The following CSMD2 variants were observed in gnomAD, a reference collection of about 807,000 sequenced individuals.
The protein encoded by CSMD2 is CUB and Sushi multiple domains 2, also known as CUB and sushi domain-containing protein 2.
A neutral mutation model predicts 398.5 loss-of-function variants in CSMD2; 130 were observed. The observed-to-expected ratio is 0.33, with a 90% CI of 0.28 to 0.38. The LOEUF is 0.38. Ranked by LOEUF, CSMD2 falls within the 10% of genes least tolerant of loss-of-function variation. The probability of loss-of-function intolerance (pLI) is 1.00; values close to 1 mark genes in which losing one functional copy is unlikely to be tolerated. For synonymous variants in CSMD2, 1,828 were observed against 1,908.5 expected (o/e 0.96, Z 1.10); for missense variants, 3,829 against 4,764.9 (o/e 0.80, Z 5.78).
intron 13 of CSMD2, among the ~76,000 whole-genome samples, chr1:33,760,416 C>T (rs767739120): frequency 4.1e-4 from 62 of 152,174 alleles, no homozygotes; most frequent in Non-Finnish European, 7.8e-4. Context: ...TGGGAAGTAG[C>T]TGAGTCCACA....
In CSMD2 at chr1:33,563,576, T is replaced by A. The variant is rs147497212; in HGVS notation, c.8380+4017A>T. ...GTCTCACTTAATCCTCACAACCCTA[T>A]GAGGTAGGCACCACCACTATACCCA... is the stretch of plus-strand genomic sequence containing the variant. On this transcript the variant is annotated intron_variant, in intron 53 of 70. Transcript: ENST00000373381. Among the ~76,000 whole-genome samples, 195 of 152,240 alleles carry A rather than the reference T, an allele frequency of 1.3e-3. 1 individual carries two copies. The highest frequency in any genetic ancestry group is 2.3e-3 in the Non-Finnish European group (156 of 68,030).
At chr1:33,706,358 T>C (rs770763870) in intron 22 of CSMD2, among the ~76,000 whole-genome samples, 4 of 152,248 alleles carry the variant, frequency 2.6e-5, no homozygotes. Context: ...TGGTTTACCA[T>C]CTTCCGTTCA....
At chr1:33,650,682 ATTTG>A (rs1277055260) in intron 28 of CSMD2, among the ~76,000 whole-genome samples, 2 of 152,064 alleles carry the variant, frequency 1.3e-5, no homozygotes, top group East Asian at 1.9e-4. Flanking sequence ...TAAAGGATCT[ATTTG>A]TTTGTTTCTT....
intron 1 of CSMD2, among the ~76,000 whole-genome samples, chr1:34,155,227 T>G (rs1640700561): frequency 6.6e-6 from 1 of 152,084 alleles, no homozygotes; most frequent in Admixed American, 6.6e-5. Context: ...TGAGACTTGG[T>G]GGGGTGCAGA....
intron 1 of CSMD2, among the ~76,000 whole-genome samples, chr1:34,100,870 C>T (rs1351107467): frequency 6.6e-6 from 1 of 152,206 alleles, no homozygotes; most frequent in Non-Finnish European, 1.5e-5. Context: ...TTCCCCTATA[C>T]AGTAACTGCC....
intron 3 of CSMD2, among the ~76,000 whole-genome samples, chr1:34,000,274 A>C (rs1283949137): frequency 6.6e-6 from 1 of 152,056 alleles, no homozygotes; most frequent in East Asian, 1.9e-4. Flanking sequence ...GTCCCGCGGA[A>C]ACCTCTTCAG....
rs944871350 is a variant in CSMD2, at chr1:33,557,886, C to G, written c.8591G>C (p.Ser2864Thr). The G allele has an allele frequency of 2.0e-6, 3 of 1,536,206 alleles. No individual in the cohort carries two copies. Among genetic ancestry groups the G allele is most frequent in the Admixed American group, 3.9e-5 (2 of 51,006 alleles). Residue 2864 changes from serine (S) to threonine (T), a missense_variant, in exon 55 of 71, where the codon AGT becomes ACT. Ser to Thr is a moderately conservative substitution (Grantham distance 58). Around this residue, in one of 5 missense-constraint regions of CSMD2, gnomAD observed 917 missense variants for 1,199.5 expected, o/e 0.76. Transcript: ENST00000373381. ...GCCGCTGGCGTGGACCTGACGAACACTATTTTCTTGGTGTCCAGGATCTGT... is the reference window on the plus strand; with the variant it reads ...GCCGCTGGCGTGGACCTGACGAACAGTATTTTCTTGGTGTCCAGGATCTGT... ...NCTDPGHQENSVRQVHASGPH... is the reference protein window; with the variant it reads ...NCTDPGHQENTVRQVHASGPH...
chr1:33,699,093 T>C, intron 23 of CSMD2, 149 bp from the exon 24 acceptor site: 1 of 598,614 alleles, frequency 1.7e-6, no homozygotes, highest in African/African-American at 1.9e-5. Flanking sequence ...ATTTCCTCAT[T>C]TCTATGCTCA....
intron 35 of CSMD2, 36 bp from the exon 36 acceptor site, chr1:33,623,502 G>A (rs1465378114): frequency 6.8e-7 from 1 of 1,479,154 alleles, no homozygotes; most frequent in South Asian, 1.1e-5. Flanking sequence ...TGGTTAGGCA[G>A]CCTGCGTCCC....
At chr1:33,582,269 G>C (rs1472510230) in intron 47 of CSMD2, among the ~76,000 whole-genome samples, 1 of 152,218 alleles carries the variant, frequency 6.6e-6, no homozygotes, top group Non-Finnish European at 1.5e-5. Context: ...TGGAATGGCA[G>C]CTGGGAGAGC....
chr1:33,519,786 C>T lies in CSMD2; in HGVS notation c.10736+26G>A, dbSNP rs546495050. ...GAGAGAGGGAGGCCTGCCTGATGCCCGCCCTGCCTCCTTCCTGCACGGTAC... is the reference window on the plus strand; with the variant it reads ...GAGAGAGGGAGGCCTGCCTGATGCCTGCCCTGCCTCCTTCCTGCACGGTAC... On this transcript the variant is annotated intron_variant, in intron 69 of 70. Transcript: ENST00000373381. This position sits in a 1 kb window ranked among gnomAD's most constrained non-coding sequence, Gnocchi z 5.6. 45 of 1,613,146 alleles carry T rather than the reference C, an allele frequency of 2.8e-5. 1 individual carries two copies. Among genetic ancestry groups the T allele is most frequent in the South Asian group, 2.7e-4 (25 of 91,020 alleles).
chr1:33,725,277 GCA>G (rs1646491741), intron 17 of CSMD2, 70 bp downstream of exon 17: 2 of 1,289,444 alleles, frequency 1.6e-6, no homozygotes, highest in East Asian at 2.3e-5. Context: ...CTGTGGTGGA[GCA>G]CAGTCCTGAG....
At chr1:34,124,109 C>A (rs61769802) in intron 1 of CSMD2, among the ~76,000 whole-genome samples, 6,122 of 152,170 alleles carry the variant, frequency 0.04, 157 homozygotes, top group Non-Finnish European at 0.061. Context: ...GATTCAAATC[C>A]AAAACAGAAA....
At chr1:33,577,265 C>A (rs764553261) in intron 49 of CSMD2, 31 bp downstream of exon 49, 2 of 1,570,824 alleles carry the variant, frequency 1.3e-6, no homozygotes, top group East Asian at 4.5e-5. Context: ...ATCCGAGCTA[C>A]CTTGTGACCC....
intron 44 of CSMD2, chr1:33,600,584 T>C: frequency 1.9e-6 from 1 of 537,994 alleles, no homozygotes; most frequent in Non-Finnish European, 3.3e-6. Context: ...AGCCAGTGAG[T>C]TGATGTGAAT....
At chr1:33,655,761 C>A (rs1208343743) in intron 27 of CSMD2, among the ~76,000 whole-genome samples, 1 of 152,232 alleles carries the variant, frequency 6.6e-6, no homozygotes. Flanking sequence ...AGAAGCATGT[C>A]ACTGGGATTT....
chr1:34,096,534 C>T (rs1659329703), intron 1 of CSMD2, among the ~76,000 whole-genome samples: 1 of 143,988 alleles, frequency 6.9e-6, no homozygotes, highest in Admixed American at 7.0e-5. Context: ...CCCAAAATCT[C>T]CTTAAGCTGA....
At chr1:34,140,166 C>T (rs1639135874) in intron 1 of CSMD2, among the ~76,000 whole-genome samples, 1 of 151,956 alleles carries the variant, frequency 6.6e-6, no homozygotes, top group East Asian at 1.9e-4. Flanking sequence ...AAGGGCAAGA[C>T]ACACAATTCT....
rs531430331 is a variant in CSMD2 at position 33,609,356 on chromosome 1, C to T, written c.6343+1685G>A. 5.3e-5 allele frequency among the ~76,000 whole-genome samples: 8 copies of T among 152,298 alleles called. 1 individual carries two copies. The highest frequency in any genetic ancestry group is 6.8e-3 in the Middle Eastern group (2 of 294). On this transcript the variant is annotated intron_variant, in intron 41 of 70. Coordinates refer to ENST00000373381, the MANE Select transcript of CSMD2 (RefSeq NM_001281956.2). ...TCTCTGGCAAGGGAGGAGCTCCATC[C>T]CCACCATATTATTTCCAGAATAAAG... is the stretch of plus-strand genomic sequence containing the variant.
Sources: allele counts gnomAD v4.1 joint callset (sites outside exome capture counted in the v4.1 genomes callset), GRCh38; gene constraint gnomAD v4.1.1; regional missense constraint gnomAD v4.1.1; non-coding constraint Gnocchi (gnomAD v3.1); transcripts MANE v1.5; gene names NCBI Gene and HGNC (gene_info 2026-07-23, HGNC 2026-07-21).